The following TLE4 variants were observed in gnomAD, a reference collection of about 807,000 sequenced individuals.
TLE4 encodes TLE family member 4, transcriptional corepressor.
TLE4 carries 8 observed loss-of-function variants against 92.8 expected under a neutral mutation model. The ratio of observed to expected loss-of-function variants is 0.09; its 90% CI spans 0.05 to 0.16. TLE4 has a LOEUF of 0.16. Among genes scored for constraint, TLE4 ranks in the 10% least tolerant of loss-of-function variants. The pLI is 1.00. For missense variants in TLE4, 675 were observed against 997.6 expected (o/e 0.68, Z 4.36); for synonymous variants, 371 against 374.1 (o/e 0.99, Z 0.10).
chr9:79,688,842 G>A (rs778606371), intron 8 of TLE4, among the ~76,000 whole-genome samples: 2 of 152,002 alleles, frequency 1.3e-5, no homozygotes, highest in Non-Finnish European at 2.9e-5. Flanking sequence ...TTTTCTGGTT[G>A]ACCATTGGTT....
At chr9:79,709,820 C>A in intron 14 of TLE4, 121 bp downstream of exon 14, 1 of 699,262 alleles carries the variant, frequency 1.4e-6, no homozygotes, top group Non-Finnish European at 2.3e-6. Context: ...ATTTTTTTAC[C>A]TTGCAAGGTA....
At chr9:79,670,109 G>A (rs2062031253) in intron 8 of TLE4, among the ~76,000 whole-genome samples, 1 of 151,966 alleles carries the variant, frequency 6.6e-6, no homozygotes. Flanking sequence ...AAGAGAGGAG[G>A]TAGGGAAATC....
chr9:79,681,065 C>T (rs558750775), intron 8 of TLE4, among the ~76,000 whole-genome samples: 1 of 152,114 alleles, frequency 6.6e-6, no homozygotes, highest in Non-Finnish European at 1.5e-5. Flanking sequence ...CAATGTTCAT[C>T]AAGGATATTG....
intron 8 of TLE4, among the ~76,000 whole-genome samples, chr9:79,677,045 C>A (rs1041600665): frequency 6.6e-6 from 1 of 152,000 alleles, no homozygotes; most frequent in African/African-American, 2.4e-5. Flanking sequence ...AAGGATAGAT[C>A]TGGGCTCAAA....
At chr9:79,667,089 G>C (rs1184566729) in intron 8 of TLE4, among the ~76,000 whole-genome samples, 1 of 152,218 alleles carries the variant, frequency 6.6e-6, no homozygotes, top group Admixed American at 6.5e-5. Context: ...AACCCCTACA[G>C]CTGCGCCCAG....
At chr9:79,638,640 C>T (rs543256918) in intron 6 of TLE4, among the ~76,000 whole-genome samples, 3 of 151,916 alleles carry the variant, frequency 2.0e-5, no homozygotes, top group Non-Finnish European at 4.4e-5. Context: ...CCACTATGGT[C>T]CCGAAGCAAA....
intron 1 of TLE4, chr9:79,573,374 A>G: frequency 8.7e-7 from 1 of 1,155,716 alleles, no homozygotes; most frequent in East Asian, 5.1e-5. Context: ...ATTCCGGGTG[A>G]GGAGGGAGTG....
At chr9:79,717,119 G>A (rs78669594) in intron 14 of TLE4, among the ~76,000 whole-genome samples, 311 of 152,088 alleles carry the variant, frequency 2.0e-3, no homozygotes, top group African/African-American at 6.4e-3. Flanking sequence ...TCTTCTTTCC[G>A]TCCCCTTAGC....
In TLE4 at chr9:79,661,024, TTTAG is replaced by T. The variant is rs1335654844; in HGVS notation, c.609+6953_609+6956del. 3.9e-5 allele frequency among the ~76,000 whole-genome samples: 6 copies of T among 152,360 alleles called. No individual in the cohort carries two copies. In the East Asian group the frequency reaches 9.6e-4, roughly 24 times the overall value. On this transcript the variant is annotated intron_variant, in intron 8 of 19. Coordinates refer to ENST00000376552, the MANE Select transcript of TLE4 (RefSeq NM_007005.6). ...GTTATTAGACATTTTCATACTGATGTTTAGTTAATTTCTAATTTTCTTAATTAGG... is the reference window on the plus strand; with the variant it reads ...GTTATTAGACATTTTCATACTGATGTTTAATTTCTAATTTTCTTAATTAGG...
intron 8 of TLE4, among the ~76,000 whole-genome samples, chr9:79,665,244 G>A (rs377306620): frequency 6.6e-6 from 1 of 152,158 alleles, no homozygotes; most frequent in East Asian, 1.9e-4. Flanking sequence ...TGTTGGTATT[G>A]ACAGATGAAC....
At chr9:79,578,865 T>C (rs1481417329) in intron 4 of TLE4, among the ~76,000 whole-genome samples, 7 of 149,882 alleles carry the variant, frequency 4.7e-5, no homozygotes, top group Middle Eastern at 3.2e-3. Context: ...CTTGGTGATA[T>C]GACGTGGAAT....
At chr9:79,595,920 C>T (rs1173559514) in intron 4 of TLE4, among the ~76,000 whole-genome samples, 2 of 150,540 alleles carry the variant, frequency 1.3e-5, no homozygotes, top group Non-Finnish European at 2.9e-5. Context: ...GATCTCAGCT[C>T]ACTGCAGGCT....
intron 16 of TLE4, among the ~76,000 whole-genome samples, chr9:79,721,247 G>T (rs1441158154): frequency 6.6e-6 from 1 of 152,144 alleles, no homozygotes; most frequent in Non-Finnish European, 1.5e-5. Context: ...CTTTCCAGGT[G>T]CCTTACTTGA....
At chr9:79,707,246 A>AT (rs748298356) in intron 11 of TLE4, 1 of 1,580,082 alleles carries the variant, frequency 6.3e-7, no homozygotes, top group Non-Finnish European at 8.7e-7. Flanking sequence ...CTTGAATGTG[A>AT]TTTTGTTGCT....
chr9:79,638,101 G>A (rs2056354327), intron 6 of TLE4, among the ~76,000 whole-genome samples: 1 of 152,074 alleles, frequency 6.6e-6, no homozygotes. Context: ...TTGTAGGAGG[G>A]TTTCTTGATT....
intron 6 of TLE4, among the ~76,000 whole-genome samples, chr9:79,638,958 CT>C (rs1002341216): frequency 2.0e-5 from 3 of 152,282 alleles, no homozygotes; most frequent in African/African-American, 4.8e-5. Context: ...TCCAGGAGCT[CT>C]TTGCAGGCTT....
chr9:79,644,340 T>C (rs1384016944), intron 6 of TLE4, among the ~76,000 whole-genome samples: 5 of 152,150 alleles, frequency 3.3e-5, no homozygotes, highest in African/African-American at 1.2e-4. Context: ...ACCTCTTTCC[T>C]TTATAAATTA....
chr9:79,632,104 G>A (rs561418110), intron 6 of TLE4, among the ~76,000 whole-genome samples: 3 of 152,302 alleles, frequency 2.0e-5, no homozygotes, highest in Admixed American at 6.5e-5. Context: ...GCCATAGCGC[G>A]AAGTGCTTGC....
intron 8 of TLE4, among the ~76,000 whole-genome samples, chr9:79,675,921 A>ATT (rs1436760683): frequency 6.6e-6 from 1 of 152,122 alleles, no homozygotes; most frequent in Non-Finnish European, 1.5e-5. Flanking sequence ...AAAATCTGAA[A>ATT]TTTTAAATGC....
Sources: allele counts gnomAD v4.1 joint callset (sites outside exome capture counted in the v4.1 genomes callset), GRCh38; gene constraint gnomAD v4.1.1; transcripts MANE v1.5; gene names NCBI Gene and HGNC (gene_info 2026-07-23, HGNC 2026-07-21).